The following MGAT4C variants were observed in gnomAD, a reference collection of about 807,000 sequenced individuals.
The protein encoded by MGAT4C is alpha-1,3-mannosyl-glycoprotein 4-beta-N-acetylglucosaminyltransferase C.
In MGAT4C, 19 loss-of-function variants were observed where a neutral mutation model predicts 40.1. That is an observed-to-expected ratio of 0.47 (90% CI 0.33 to 0.70). The LOEUF is 0.70. MGAT4C is among the 30% of genes least tolerant of loss of function. The pLI, the probability that MGAT4C is intolerant of heterozygous loss-of-function variation, is 0.02. For missense variants in MGAT4C, 491 were observed against 563.2 expected, an observed-to-expected ratio of 0.87 and a Z score of 1.30; for synonymous variants, 181 against 187.1, an observed-to-expected ratio of 0.97 and a Z score of 0.27.
intron 2 of MGAT4C, among the ~76,000 whole-genome samples, chr12:86,653,728 T>C (rs1274242026): frequency 6.6e-6 from 1 of 151,890 alleles, no homozygotes; most frequent in Non-Finnish European, 1.5e-5. Context: ...CAATTATCAA[T>C]GGAATGAGTT....
At chr12:86,555,256 T>C (rs4465426) in intron 2 of MGAT4C, among the ~76,000 whole-genome samples, 129,423 of 152,044 alleles carry the variant, frequency 0.85, 55,621 homozygotes, top group South Asian at 0.96. Flanking sequence ...CATTTTTCTG[T>C]ATACCACAGT....
chr12:86,765,772 C>G (rs1047171905), intron 1 of MGAT4C, among the ~76,000 whole-genome samples: 12 of 152,064 alleles, frequency 7.9e-5, no homozygotes, highest in African/African-American at 2.9e-4. Flanking sequence ...AACTAAGCTT[C>G]ATAAGTGAAG....
rs541101816 is a variant in MGAT4C at position 86,368,139 on chromosome 12, ATACTT to A, written c.-119-34017_-119-34013del. On this transcript the variant is annotated intron_variant, in intron 3 of 7. Coordinates refer to the MGAT4C transcript ENST00000548651. ...AGTTAATATGGGGTAAATTAGGAAA[ATACTT>A]AAAATATCTGGAATTGTCAAGAATA... is the stretch of plus-strand genomic sequence containing the variant. Among the ~76,000 whole-genome samples, 204 of 152,266 alleles carry A rather than the reference ATACTT, an allele frequency of 1.3e-3. 1 individual carries two copies. Among genetic ancestry groups the A allele is most frequent in the African/African-American group, 4.6e-3 (192 of 41,552 alleles).
At chr12:86,464,922 A>G (rs1957657846) in intron 2 of MGAT4C, among the ~76,000 whole-genome samples, 1 of 152,104 alleles carries the variant, frequency 6.6e-6, no homozygotes, top group South Asian at 2.1e-4. Context: ...ATACTATAAG[A>G]TTCTTTGATA....
At chr12:86,172,057 T>C (rs1307445231) in intron 1 of MGAT4C, among the ~76,000 whole-genome samples, 1 of 152,210 alleles carries the variant, frequency 6.6e-6, no homozygotes, top group Non-Finnish European at 1.5e-5. Flanking sequence ...TTTTGAACCT[T>C]TCCTCAATAT....
chr12:86,588,075 G>C (rs1188126567), intron 2 of MGAT4C, among the ~76,000 whole-genome samples: 2 of 151,858 alleles, frequency 1.3e-5, no homozygotes, highest in African/African-American at 4.8e-5. Context: ...GTATGATATT[G>C]GCTGTGGGTC....
At chr12:86,791,771 T>G (rs1181955168) in intron 1 of MGAT4C, among the ~76,000 whole-genome samples, 1 of 152,138 alleles carries the variant, frequency 6.6e-6, no homozygotes, top group Non-Finnish European at 1.5e-5. Flanking sequence ...ATTGAGGAAA[T>G]TTTACAGAGT....
chr12:86,303,237 G>C (rs558627262), intron 4 of MGAT4C, among the ~76,000 whole-genome samples: 1 of 150,444 alleles, frequency 6.6e-6, no homozygotes, highest in South Asian at 2.1e-4. Context: ...ATTAATCTAA[G>C]ATGTTATTAT....
chr12:86,491,603 T>C (rs1394063303), intron 2 of MGAT4C, among the ~76,000 whole-genome samples: 2 of 152,014 alleles, frequency 1.3e-5, no homozygotes, highest in African/African-American at 2.4e-5. Flanking sequence ...CAACGCTTCA[T>C]GCTAAAAACT....
chr12:86,544,171 A>T (rs1398432868), intron 2 of MGAT4C, among the ~76,000 whole-genome samples: 3 of 152,184 alleles, frequency 2.0e-5, no homozygotes, highest in African/African-American at 7.2e-5. Flanking sequence ...CAATTTTTAG[A>T]ACAAGATCTG....
chr12:86,601,453 G>T (rs1016783762), intron 2 of MGAT4C: 2 of 152,394 alleles, frequency 1.3e-5, no homozygotes, highest in African/African-American at 4.8e-5. Flanking sequence ...TTGCACTCAA[G>T]CCCCTGGGGA....
chr12:86,721,873 A>T (rs1386771596), intron 2 of MGAT4C, among the ~76,000 whole-genome samples: 1 of 152,126 alleles, frequency 6.6e-6, no homozygotes, highest in Non-Finnish European at 1.5e-5. Flanking sequence ...TATGTTTTAA[A>T]GGAAAATATT....
At chr12:86,201,946 C>T (rs1271091859) in intron 1 of MGAT4C, among the ~76,000 whole-genome samples, 1 of 151,944 alleles carries the variant, frequency 6.6e-6, no homozygotes, top group African/African-American at 2.4e-5. Flanking sequence ...AAAATTTTCA[C>T]TTGTTTGTTG....
intron 1 of MGAT4C, among the ~76,000 whole-genome samples, chr12:86,107,101 A>G (rs565663308): frequency 6.6e-6 from 1 of 152,182 alleles, no homozygotes; most frequent in Middle Eastern, 3.2e-3. Context: ...AAAAGCTTTT[A>G]TACTTACAGA....
chr12:86,322,119 A>C (rs1954405332), intron 4 of MGAT4C, among the ~76,000 whole-genome samples: 1 of 151,418 alleles, frequency 6.6e-6, no homozygotes. Context: ...AAACTATCAC[A>C]AGGACAGAAA....
At chr12:86,519,553 T>G (rs2136357575) in intron 2 of MGAT4C, among the ~76,000 whole-genome samples, 1 of 152,270 alleles carries the variant, frequency 6.6e-6, no homozygotes, top group Admixed American at 6.5e-5. Flanking sequence ...CTCTACATCC[T>G]TCCCAGCATC....
chr12:86,038,564 A>ATTTATTTT (rs1283998203), intron 2 of MGAT4C, among the ~76,000 whole-genome samples: 9 of 146,404 alleles, frequency 6.1e-5, no homozygotes, highest in South Asian at 2.2e-4. Context: ...TTATTTATTT[A>ATTTATTTT]TTTTTTTGCT....
chr12:86,224,376 C>T (rs1950998569), intron 1 of MGAT4C, among the ~76,000 whole-genome samples: 1 of 152,022 alleles, frequency 6.6e-6, no homozygotes, highest in Admixed American at 6.6e-5. Flanking sequence ...CACCCCACTG[C>T]CTGCTTTAGA....
intron 2 of MGAT4C, among the ~76,000 whole-genome samples, chr12:86,019,923 A>T (rs952585531): frequency 6.6e-6 from 1 of 151,916 alleles, no homozygotes; most frequent in Admixed American, 6.6e-5. Flanking sequence ...TGTAAGTTGG[A>T]TTCCTAGGTA....
Sources: gnomAD v4.1 joint callset for allele counts (sites outside exome capture counted in the v4.1 genomes callset) on GRCh38, gnomAD v4.1.1 for gene constraint, MANE v1.5 for transcripts, NCBI Gene and HGNC (gene_info 2026-07-23, HGNC 2026-07-21) for gene names.